Variants in CADM2 observed in about 807,000 individuals in gnomAD.
CADM2 encodes the protein cell adhesion molecule 2.
Under a neutral mutation model 49.8 loss-of-function variants are expected in CADM2, and 12 were observed. The observed-to-expected ratio is 0.24, with a 90% CI of 0.15 to 0.39. CADM2 has a LOEUF of 0.39. CADM2 is among the 10% of genes least tolerant of loss of function. CADM2 has a pLI of 1.00. For missense variants in CADM2, 378 were observed against 492.3 expected (o/e 0.77, Z 2.20); for synonymous variants, 214 against 175.4 (o/e 1.22, Z -1.74).
chr3:85,742,756 C>A (rs2068447970), intron 2 of CADM2, among the ~76,000 whole-genome samples: 1 of 152,152 alleles, frequency 6.6e-6, no homozygotes, highest in Non-Finnish European at 1.5e-5. Context: ...AGGTGGCAAT[C>A]CTGTGACATT....
At chr3:85,077,513 A>G (rs532375368) in intron 1 of CADM2, among the ~76,000 whole-genome samples, 19 of 152,052 alleles carry the variant, frequency 1.2e-4, no homozygotes, top group Non-Finnish European at 2.1e-4. Context: ...TGGGTCATTC[A>G]TTTTAGGATG....
At chr3:85,243,671 A>G (rs1462419157) in intron 1 of CADM2, among the ~76,000 whole-genome samples, 1 of 152,046 alleles carries the variant, frequency 6.6e-6, no homozygotes, top group African/African-American at 2.4e-5. Context: ...GCCATAACTA[A>G]TGTCCACTCA....
chr3:85,357,926 A>C (rs955450841), intron 1 of CADM2, among the ~76,000 whole-genome samples: 18 of 152,076 alleles, frequency 1.2e-4, no homozygotes, highest in Admixed American at 1.1e-3. Context: ...CATCAAATGG[A>C]GGAGGAGAAT....
At chr3:85,908,702 AATT>A (rs1331848279) in intron 5 of CADM2, among the ~76,000 whole-genome samples, 4 of 149,666 alleles carry the variant, frequency 2.7e-5, no homozygotes, top group African/African-American at 5.0e-5. Flanking sequence ...ACTCAATTGT[AATT>A]ATTATAATAA....
At chr3:85,076,303 T>TTGTGTGTGTGTGTGTG (rs71108205) in intron 1 of CADM2, among the ~76,000 whole-genome samples, 2,439 of 139,260 alleles carry the variant, frequency 0.018, 41 homozygotes, top group Admixed American at 0.044. Context: ...AAAAAAGAAA[T>TTGTGTGTGTGTGTGTG]TGTGTGTGTG....
intron 8 of CADM2, among the ~76,000 whole-genome samples, chr3:86,016,657 T>C (rs926616954): frequency 1.6e-4 from 25 of 152,168 alleles, no homozygotes; most frequent in Non-Finnish European, 1.5e-4. Flanking sequence ...AGTTGACCCT[T>C]TCATTGCCTC....
intron 1 of CADM2, among the ~76,000 whole-genome samples, chr3:85,549,950 G>A (rs1427439883): frequency 6.6e-6 from 1 of 151,952 alleles, no homozygotes; most frequent in Non-Finnish European, 1.5e-5. Flanking sequence ...AATTAAAAAT[G>A]AGCAAATAAA....
intron 1 of CADM2, among the ~76,000 whole-genome samples, chr3:85,255,960 T>C (rs1381026324): frequency 2.0e-5 from 3 of 152,216 alleles, no homozygotes; most frequent in African/African-American, 7.2e-5. Flanking sequence ...TTTAACATTT[T>C]TTTTTCCTGA....
chr3:85,602,587 G>A (rs1040884951), intron 1 of CADM2, among the ~76,000 whole-genome samples: 2 of 151,712 alleles, frequency 1.3e-5, no homozygotes, highest in African/African-American at 2.4e-5. Context: ...GTCTCTCTTA[G>A]TGTGGTTGCT....
chr3:85,757,792 G>A (rs1668452839), intron 2 of CADM2, among the ~76,000 whole-genome samples: 1 of 152,010 alleles, frequency 6.6e-6, no homozygotes, highest in Non-Finnish European at 1.5e-5. Flanking sequence ...ACTAAAGGAG[G>A]CATTTGATTA....
At chr3:86,040,957 C>T (rs1735824053) in intron 8 of CADM2, among the ~76,000 whole-genome samples, 2 of 152,066 alleles carry the variant, frequency 1.3e-5, no homozygotes, top group African/African-American at 4.8e-5. Context: ...ATTTTCAACC[C>T]AGAATTTCAT....
intron 2 of CADM2, among the ~76,000 whole-genome samples, chr3:85,794,168 C>A (rs1024954379): frequency 2.0e-5 from 3 of 152,012 alleles, no homozygotes; most frequent in Non-Finnish European, 4.4e-5. Context: ...ACTAATATAT[C>A]TTTAAGGTTT....
At chr3:85,510,938 T>C (rs192749971) in intron 1 of CADM2, among the ~76,000 whole-genome samples, 1 of 152,200 alleles carries the variant, frequency 6.6e-6, no homozygotes, top group Non-Finnish European at 1.5e-5. Context: ...CAATATCCAA[T>C]ACAAAACATA....
intron 1 of CADM2, among the ~76,000 whole-genome samples, chr3:85,002,290 C>T (rs1234691145): frequency 6.6e-6 from 1 of 151,972 alleles, no homozygotes; most frequent in Non-Finnish European, 1.5e-5. Flanking sequence ...TTTGTGGTGT[C>T]TTACTGTTAT....
intron 1 of CADM2, among the ~76,000 whole-genome samples, chr3:85,340,058 A>C (rs2045198149): frequency 6.6e-6 from 1 of 151,482 alleles, no homozygotes; most frequent in Non-Finnish European, 1.5e-5. Context: ...AGAAGTAAAA[A>C]TAACTGAATA....
At chr3:85,939,264 A>G (rs1048563057) in intron 7 of CADM2, among the ~76,000 whole-genome samples, 30 of 152,178 alleles carry the variant, frequency 2.0e-4, no homozygotes, top group African/African-American at 6.0e-4. Flanking sequence ...TGACACTACT[A>G]TAGAAGCATT....
intron 5 of CADM2, among the ~76,000 whole-genome samples, chr3:85,903,417 A>C (rs1577615970): frequency 6.6e-6 from 1 of 152,152 alleles, no homozygotes; most frequent in South Asian, 2.1e-4. Context: ...TGTTTACCTG[A>C]AAAATATTTT....
At chr3:85,835,342 G>A (rs992364914) in intron 3 of CADM2, among the ~76,000 whole-genome samples, 1 of 148,546 alleles carries the variant, frequency 6.7e-6, no homozygotes, top group Non-Finnish European at 1.5e-5. Context: ...TGACTTGTTG[G>A]CCTTATCCTG....
intron 1 of CADM2, among the ~76,000 whole-genome samples, chr3:85,628,610 C>T (rs201236103): frequency 1.2e-5 from 1 of 84,750 alleles, no homozygotes; most frequent in Non-Finnish European, 2.4e-5. Flanking sequence ...CACATATATA[C>T]ATTTATATAC....
Sources: allele counts gnomAD v4.1 joint callset (sites outside exome capture counted in the v4.1 genomes callset), GRCh38; gene constraint gnomAD v4.1.1; transcripts MANE v1.5; gene names NCBI Gene and HGNC (gene_info 2026-07-23, HGNC 2026-07-21).